Variants in CNTN4 observed in about 807,000 individuals in gnomAD.
CNTN4 encodes contactin 4.
A neutral mutation model predicts 122.5 loss-of-function variants in CNTN4; 77 were observed. The observed-to-expected ratio is 0.63, with a 90% confidence interval of 0.52 to 0.76. The LOEUF is 0.76. Ranked by LOEUF, CNTN4 falls within the 30% of genes least tolerant of loss-of-function variation. The probability of loss-of-function intolerance (pLI) is 0.00; values close to 1 mark genes in which losing one functional copy is unlikely to be tolerated. For missense variants in CNTN4, 1,256 were observed against 1,259.1 expected (o/e 1.00, Z 0.04); for synonymous variants, 512 against 447.0 (o/e 1.15, Z -1.83).
intron 14 of CNTN4, among the ~76,000 whole-genome samples, chr3:3,011,366 G>T (rs1388687729): frequency 6.6e-6 from 1 of 152,108 alleles, no homozygotes; most frequent in African/African-American, 2.4e-5. Context: ...AATCTTCTCA[G>T]CTCAGGGTCA....
chr3:2,207,704 C>A (rs1194877461), intron 2 of CNTN4, among the ~76,000 whole-genome samples: 2 of 152,076 alleles, frequency 1.3e-5, no homozygotes, highest in Non-Finnish European at 2.9e-5. Flanking sequence ...GAAATTTATG[C>A]AGAAGCTCTA....
At chr3:2,796,573 TC>T (rs2092189816) in intron 6 of CNTN4, among the ~76,000 whole-genome samples, 1 of 152,226 alleles carries the variant, frequency 6.6e-6, no homozygotes, top group Non-Finnish European at 1.5e-5. Flanking sequence ...CCAAGTTTTC[TC>T]ACTGCTACAT....
At chr3:2,735,224 CAG>C (rs2088995170) in intron 4 of CNTN4, among the ~76,000 whole-genome samples, 1 of 152,188 alleles carries the variant, frequency 6.6e-6, no homozygotes, top group Non-Finnish European at 1.5e-5. Context: ...GAGGGTCTAG[CAG>C]AGTCTTCCAG....
chr3:2,105,527 A>G (rs1296663811), intron 2 of CNTN4, among the ~76,000 whole-genome samples: 1 of 152,152 alleles, frequency 6.6e-6, no homozygotes, highest in Non-Finnish European at 1.5e-5. Flanking sequence ...CAGGCAAGAG[A>G]CAGTGAAGGA....
intron 14 of CNTN4, among the ~76,000 whole-genome samples, chr3:3,005,329 A>G (rs1306142659): frequency 6.6e-6 from 1 of 152,068 alleles, no homozygotes; most frequent in African/African-American, 2.4e-5. Context: ...CTTTTTGCTT[A>G]CTAATTCTGT....
intron 23 of CNTN4, among the ~76,000 whole-genome samples, chr3:3,045,050 G>A (rs1372917015): frequency 6.6e-6 from 1 of 152,246 alleles, no homozygotes; most frequent in Non-Finnish European, 1.5e-5. Context: ...TAGCACAGCA[G>A]TCTGAGATCG....
chr3:2,900,606 G>A, intron 10 of CNTN4, 79 bp from the exon 11 acceptor site: 1 of 1,453,120 alleles, frequency 6.9e-7, no homozygotes, highest in Non-Finnish European at 9.6e-7. Flanking sequence ...GTGTACTTTT[G>A]CCCTTTGATT....
intron 3 of CNTN4, among the ~76,000 whole-genome samples, chr3:2,465,676 C>CA (rs2075471707): frequency 1.3e-5 from 2 of 151,596 alleles, no homozygotes; most frequent in Admixed American, 6.6e-5. Context: ...GACTCCATCT[C>CA]AAAAAAATAA....
intron 8 of CNTN4, among the ~76,000 whole-genome samples, chr3:2,877,006 T>C (rs7651287): frequency 0.26 from 40,153 of 152,208 alleles, 5,378 homozygotes; most frequent in Middle Eastern, 0.36. Flanking sequence ...GCATCTCAAC[T>C]TACTAAATCA....
At chr3:2,606,775 T>TA (rs1380716734) in intron 4 of CNTN4, among the ~76,000 whole-genome samples, 9 of 152,232 alleles carry the variant, frequency 5.9e-5, no homozygotes, top group African/African-American at 2.2e-4. Flanking sequence ...TCTGTGTCTT[T>TA]AAAAGCACAT....
At chr3:2,777,857 T>A (rs1392766551) in intron 6 of CNTN4, among the ~76,000 whole-genome samples, 6 of 152,190 alleles carry the variant, frequency 3.9e-5, no homozygotes, top group African/African-American at 1.4e-4. Flanking sequence ...ACTTAACCTA[T>A]TACTATGTCT....
intron 3 of CNTN4, among the ~76,000 whole-genome samples, chr3:2,558,181 G>T (rs1243805838): frequency 6.6e-6 from 1 of 152,148 alleles, no homozygotes; most frequent in Non-Finnish European, 1.5e-5. Flanking sequence ...CCATCACTCT[G>T]ATTCTACTAA....
chr3:2,140,766 T>C (rs535848082), intron 2 of CNTN4, among the ~76,000 whole-genome samples: 1 of 152,326 alleles, frequency 6.6e-6, no homozygotes, highest in East Asian at 1.9e-4. Context: ...AAAGCTGGTG[T>C]ATGCCTCAAA....
intron 4 of CNTN4, among the ~76,000 whole-genome samples, chr3:2,626,748 C>A (rs147090267): frequency 1.2e-4 from 18 of 152,276 alleles, no homozygotes; most frequent in African/African-American, 4.3e-4. Flanking sequence ...AAAGTTTACT[C>A]TTACTGTGGC....
At chr3:2,377,460 G>C (rs2150728390) in intron 3 of CNTN4, among the ~76,000 whole-genome samples, 1 of 152,310 alleles carries the variant, frequency 6.6e-6, no homozygotes, top group South Asian at 2.1e-4. Flanking sequence ...CTTCTGTGCT[G>C]TGCCCTGTGA....
intron 6 of CNTN4, among the ~76,000 whole-genome samples, chr3:2,757,353 C>T (rs899295566): frequency 6.6e-6 from 1 of 152,060 alleles, no homozygotes; most frequent in Admixed American, 6.5e-5. Flanking sequence ...TGAAGTGATG[C>T]GGAGTAGTTT....
intron 3 of CNTN4, among the ~76,000 whole-genome samples, chr3:2,524,589 C>T (rs1051784701): frequency 5.3e-5 from 8 of 152,020 alleles, no homozygotes; most frequent in African/African-American, 1.4e-4. Flanking sequence ...TGGCTATAAA[C>T]GAAAATGCTT....
intron 2 of CNTN4, among the ~76,000 whole-genome samples, chr3:2,228,001 G>T (rs1051555937): frequency 7.9e-5 from 12 of 152,064 alleles, no homozygotes; most frequent in African/African-American, 2.7e-4. Context: ...CAAATTAAGG[G>T]TGTTTAAATA....
chr3:2,208,865 G>A (rs1471999999), intron 2 of CNTN4, among the ~76,000 whole-genome samples: 2 of 152,146 alleles, frequency 1.3e-5, no homozygotes, highest in African/African-American at 4.8e-5. Flanking sequence ...TAGCAATAAA[G>A]TATGTTTAAA....
Sources: gnomAD v4.1 joint callset for allele counts (sites outside exome capture counted in the v4.1 genomes callset) on GRCh38, gnomAD v4.1.1 for gene constraint, MANE v1.5 for transcripts, NCBI Gene and HGNC (gene_info 2026-07-23, HGNC 2026-07-21) for gene names.